Variants in ALPL observed in about 807,000 individuals in gnomAD.
ALPL encodes the protein alkaline phosphatase, tissue-nonspecific isozyme.
A neutral mutation model predicts 51.3 loss-of-function variants in ALPL; 42 were observed. The ratio of observed to expected loss-of-function variants is 0.82; its 90% confidence interval spans 0.64 to 1.06. The LOEUF (loss-of-function observed/expected upper bound fraction) is 1.06. ALPL is among the 50% of genes least tolerant of loss of function. The probability of loss-of-function intolerance (pLI) is 0.00; values close to 1 mark genes in which losing one functional copy is unlikely to be tolerated. For missense variants in ALPL, 589 were observed against 709.4 expected (o/e 0.83, Z 1.93); for synonymous variants, 279 against 296.4 (o/e 0.94, Z 0.60).
Position 21,577,477 on chromosome 1 carries a change from G to A in ALPL, c.1404G>A (p.Ala468=), listed in dbSNP as rs774384124. The A allele has an allele frequency of 7.0e-5, 113 of 1,610,036 alleles. No individual in the cohort carries two copies. Among genetic ancestry groups the A allele is most frequent in the Non-Finnish European group, 9.3e-5 (110 of 1,179,926 alleles). ...CCGTCTTCTCCAAGGGCCCCATGGC[G>A]CACCTGCTGCACGGCGTCCACGAGC... The part of the protein sequence containing the change: ...DVAVFSKGPM[A]HLLHGVHEQN... The change falls in exon 12 of 12, where the codon GCG becomes GCA. Residue 468 remains alanine (A), a synonymous_variant. Transcript: ENST00000374840.
intron 2 of ALPL, among the ~76,000 whole-genome samples, chr1:21,554,969 G>A (rs778543094): frequency 7.2e-5 from 10 of 138,372 alleles, no homozygotes; most frequent in African/African-American, 8.3e-5. Flanking sequence ...CTTTTCTCTC[G>A]CATCCGAGTG....
At chr1:21,541,441 G>A (rs1644182862) in intron 1 of ALPL, among the ~76,000 whole-genome samples, 1 of 152,200 alleles carries the variant, frequency 6.6e-6, no homozygotes, top group Non-Finnish European at 1.5e-5. Context: ...CATCTTCACT[G>A]CTGCTGAGCT....
At chr1:21,568,274 G>A (rs1644596682) in intron 7 of ALPL, 27 bp downstream of exon 7, 1 of 1,613,662 alleles carries the variant, frequency 6.2e-7, no homozygotes, top group Non-Finnish European at 8.5e-7. Flanking sequence ...CCATGTGGCT[G>A]CAGAGGTGGC....
In ALPL at chr1:21,537,187, T is replaced by C. The variant is rs180770884; in HGVS notation, c.-104-16791T>C. The stretch of plus-strand genomic sequence containing the variant: ...CTGGGATTAAAGGCGTGAGCCACCG[T>C]GCCCGGCCAGGTTCCTTCCCTTCTA... On this transcript the variant is annotated intron_variant, in intron 1 of 11. Coordinates refer to ENST00000374840, the MANE Select transcript of ALPL (RefSeq NM_000478.6). Among the ~76,000 whole-genome samples the C allele has an allele frequency of 6.0e-4, 92 of 152,306 alleles. No homozygotes were observed. The East Asian group carries it at 9.3e-3, about 15-fold the overall frequency.
intron 1 of ALPL, among the ~76,000 whole-genome samples, chr1:21,520,178 G>A (rs938333203): frequency 1.3e-5 from 2 of 152,152 alleles, no homozygotes; most frequent in African/African-American, 4.8e-5. Context: ...CCAGGCTGGA[G>A]TTCAGGCACG....
At chr1:21,574,185 A>T in intron 9 of ALPL, 1 of 985,426 alleles carries the variant, frequency 1.0e-6, no homozygotes, top group Non-Finnish European at 1.2e-6. Context: ...AGGCTCTTTC[A>T]GCGCCGGCCA....
chr1:21,562,875 T>C (rs1644504219), intron 4 of ALPL, among the ~76,000 whole-genome samples: 1 of 152,080 alleles, frequency 6.6e-6, no homozygotes, highest in African/African-American at 2.4e-5. Flanking sequence ...TCTCTGTACT[T>C]TGGAGAGCTA....
intron 1 of ALPL, among the ~76,000 whole-genome samples, chr1:21,552,695 A>G (rs1035824084): frequency 3.3e-5 from 5 of 152,142 alleles, no homozygotes; most frequent in African/African-American, 1.2e-4. Context: ...GATTACAGGC[A>G]TGTTACCACC....
intron 8 of ALPL, 99 bp downstream of exon 8, chr1:21,570,473 C>A: frequency 8.0e-7 from 1 of 1,247,676 alleles, no homozygotes; most frequent in Non-Finnish European, 1.2e-6. Flanking sequence ...GCCTGACGCC[C>A]ACTTAGGGGC....
intron 2 of ALPL, among the ~76,000 whole-genome samples, chr1:21,554,887 T>TTC (rs1194094814): frequency 4.5e-5 from 6 of 133,360 alleles, no homozygotes; most frequent in South Asian, 2.4e-4. Context: ...CTTTCTTTCT[T>TTC]TTTCTTTCTT....
In ALPL at chr1:21,577,902, C is replaced by T. The variant is rs991665159; in HGVS notation, c.*254C>T. The T allele has an allele frequency of 1.5e-4, 91 of 596,066 alleles. No individual in the cohort carries two copies. The highest frequency in any genetic ancestry group is 2.4e-4 in the Non-Finnish European group (82 of 335,468). 36.9% of individuals were successfully genotyped at this position (596,066 alleles called of 1,614,324 possible). ...GCCAACAGGGTAGATTTCTCTTGGG[C>T]AGGCAGAGAGTACAGACTGCAGACA... On this transcript the variant is annotated 3_prime_UTR_variant, in exon 12 of 12. Transcript: ENST00000374840.
intron 1 of ALPL, among the ~76,000 whole-genome samples, chr1:21,528,489 G>A (rs1002318437): frequency 2.6e-5 from 4 of 151,188 alleles, no homozygotes; most frequent in Admixed American, 6.6e-5. Flanking sequence ...CTGGGATTAC[G>A]GGCATGTGCC....
chr1:21,536,798 G>A lies in ALPL; in HGVS notation c.-104-17180G>A, dbSNP rs115817391. ...AAACAGACTCTGGGTGGCCAAAAAT[G>A]ACAGTAGATGTCCACTCCACTCACC... On this transcript the variant is annotated intron_variant, in intron 1 of 11. Transcript: ENST00000374840. 5.7e-3 allele frequency among the ~76,000 whole-genome samples: 866 copies of A among 151,932 alleles called. 5 individuals carry two copies. Among genetic ancestry groups the A allele is most frequent in the Non-Finnish European group, 9.3e-3 (635 of 67,972 alleles).
rs1644537024 is a variant in ALPL at position 21,564,577 on chromosome 1, G to A, written c.648+361G>A. Among the ~76,000 whole-genome samples the A allele has an allele frequency of 6.6e-6, 1 of 152,224 alleles. No homozygotes were observed. Among genetic ancestry groups the A allele is most frequent in the Non-Finnish European group, 1.5e-5 (1 of 68,042 alleles). ...TGCGTATTCACATGGTCACAGATGGGTACATATCTGTACACTCAACCACCA... is the reference window on the plus strand; with the variant it reads ...TGCGTATTCACATGGTCACAGATGGATACATATCTGTACACTCAACCACCA... On this transcript the variant is annotated intron_variant, in intron 6 of 11. Coordinates refer to ENST00000374840, the MANE Select transcript of ALPL (RefSeq NM_000478.6). The surrounding 1 kb of genome is among the most constrained non-coding windows in gnomAD (Gnocchi z 5.8).
chr1:21,563,381 T>G, intron 5 of ALPL, 97 bp downstream of exon 5: 1 of 1,411,670 alleles, frequency 7.1e-7, no homozygotes, highest in Non-Finnish European at 9.5e-7. Flanking sequence ...AGAAAAGGCT[T>G]CTCTGTGGGG....
intron 8 of ALPL, among the ~76,000 whole-genome samples, chr1:21,570,719 C>T (rs1305386787): frequency 1.3e-5 from 2 of 152,192 alleles, no homozygotes; most frequent in African/African-American, 4.8e-5. Flanking sequence ...GCTATGGAGC[C>T]TGGGACCTGG....
intron 1 of ALPL, among the ~76,000 whole-genome samples, chr1:21,550,695 C>T (rs1644309620): frequency 6.6e-6 from 1 of 152,160 alleles, no homozygotes; most frequent in Non-Finnish European, 1.5e-5. Flanking sequence ...CAGCCCGTTC[C>T]CGTTTCCGTA....
chr1:21,559,516 G>A (rs1403038433), intron 2 of ALPL, among the ~76,000 whole-genome samples: 4 of 152,092 alleles, frequency 2.6e-5, no homozygotes, highest in East Asian at 1.9e-4. Context: ...AGCAGCTGGG[G>A]GTTTTTTGTT....
intron 9 of ALPL, chr1:21,574,146 G>T (rs1329123321): frequency 3.3e-5 from 33 of 985,364 alleles, no homozygotes; most frequent in Non-Finnish European, 3.9e-5. Flanking sequence ...GCAGGCCCCG[G>T]CTTTCCCACG....
Sources: allele counts gnomAD v4.1 joint callset (sites outside exome capture counted in the v4.1 genomes callset), GRCh38; gene constraint gnomAD v4.1.1; non-coding constraint Gnocchi (gnomAD v3.1); transcripts MANE v1.5; gene names NCBI Gene and HGNC (gene_info 2026-07-23, HGNC 2026-07-21).